PTK7: variants seen among roughly 807,000 people sequenced by gnomAD.
PTK7 encodes the protein inactive tyrosine-protein kinase 7.
PTK7 carries 39 observed loss-of-function variants against 116.6 expected under a neutral mutation model. That is an observed-to-expected ratio of 0.33 (90% CI 0.26 to 0.44). The LOEUF (loss-of-function observed/expected upper bound fraction) is 0.44. Ranked by LOEUF, PTK7 falls within the 20% of genes least tolerant of loss-of-function variation. The probability of loss-of-function intolerance (pLI) is 1.00; values close to 1 mark genes in which losing one functional copy is unlikely to be tolerated. For synonymous variants in PTK7, 546 were observed against 563.6 expected, an observed-to-expected ratio of 0.97 and a Z score of 0.44; for missense variants, 1,169 against 1,425.6, an observed-to-expected ratio of 0.82 and a Z score of 2.90.
At chr6:43,131,031 A>ACT (rs1355635364) in intron 5 of PTK7, among the ~76,000 whole-genome samples, 2 of 56,304 alleles carry the variant, frequency 3.6e-5, no homozygotes, top group Admixed American at 1.4e-4. Flanking sequence ...CAAAGACATC[A>ACT]CACACACACA....
At chr6:43,159,249 CTATT>C (rs1771696390) in intron 18 of PTK7, among the ~76,000 whole-genome samples, 1 of 152,138 alleles carries the variant, frequency 6.6e-6, no homozygotes, top group South Asian at 2.1e-4. Context: ...TATATATAAT[CTATT>C]TATATGGCTC....
At chr6:43,118,099 G>A (rs1264006633) in intron 1 of PTK7, among the ~76,000 whole-genome samples, 1 of 142,852 alleles carries the variant, frequency 7.0e-6, no homozygotes, top group Non-Finnish European at 1.5e-5. Flanking sequence ...TGGTCAGATG[G>A]GCCTTTTTTT....
chr6:43,138,937 A>G lies in PTK7; in HGVS notation c.1317A>G (p.Pro439=), dbSNP rs1163726255. ...TGGATTGCCTGACCCAGGCCACACC[A>G]AAACCTACAGTTGTCTGGTACAGAA... ...GYLDCLTQAT[P]KPTVVWYRNQ... Residue 439 remains proline, a synonymous_variant, in exon 8 of 20, where the codon CCA becomes CCG. Coordinates refer to ENST00000230419, the MANE Select transcript of PTK7 (RefSeq NM_002821.5). The G allele has an allele frequency of 6.2e-7, 1 of 1,614,178 alleles. No homozygotes were observed. The highest frequency in any genetic ancestry group is 8.5e-7 in the Non-Finnish European group (1 of 1,180,030).
At chr6:43,155,957 G>T (rs1771400407) in intron 17 of PTK7, among the ~76,000 whole-genome samples, 2 of 152,108 alleles carry the variant, frequency 1.3e-5, no homozygotes, top group South Asian at 4.1e-4. Context: ...GGCCAGGCGT[G>T]GTGGCTCACG....
chr6:43,159,901 T>C lies in PTK7; in HGVS notation c.2987T>C (p.Met996Thr). Residue 996 changes from methionine (M) to threonine (T), a missense_variant, in exon 19 of 20, where the codon ATG (methionine) becomes ACG (threonine). This residue lies in a region of PTK7 where 678 missense variants were observed against 853.8 expected (regional missense o/e 0.79). Transcript: ENST00000230419. Reference sequence around the variant, plus strand: ...GATGTCTGGGCCTTCGGTGTGCTGATGTGGGAAGTGTTTACACATGGAGAG... The same window carrying C: ...GATGTCTGGGCCTTCGGTGTGCTGACGTGGGAAGTGTTTACACATGGAGAG... ...KSDVWAFGVL[M>T]WEVFTHGEMP... 1 of 1,614,180 alleles carries C rather than the reference T, an allele frequency of 6.2e-7. No individual in the cohort carries two copies. The highest frequency in any genetic ancestry group is 8.5e-7 in the Non-Finnish European group (1 of 1,180,016).
chr6:43,078,914 T>A lies in PTK7; in HGVS notation c.79+2347T>A, dbSNP rs1442752794. The stretch of plus-strand genomic sequence containing the variant: ...TGAGTCGTCATGTTCTGGGATAGGC[T>A]GTCTGCAGATTCCTCAAGGCTCTGC... On this transcript the variant is annotated intron_variant, in intron 1 of 19. Coordinates refer to ENST00000230419, the MANE Select transcript of PTK7 (RefSeq NM_002821.5). Among the ~76,000 whole-genome samples, 4 of 152,238 alleles carry A rather than the reference T, an allele frequency of 2.6e-5. No individual in the cohort carries two copies. In the East Asian group the frequency reaches 7.7e-4, roughly 29 times the overall value.
In PTK7 at chr6:43,145,384, G is replaced by A; in HGVS notation, c.2592G>A (p.Leu864=). 1.9e-6 allele frequency: 3 copies of A among 1,611,642 alleles called. No homozygotes were observed. Among genetic ancestry groups the A allele is most frequent in the Non-Finnish European group, 2.5e-6 (3 of 1,178,594 alleles). ...NHANVVRLLG[L]CREAEPHYMV... ...CCAACGTGGTGCGGCTCCTGGGGCTGTGCCGGGAGGCTGAGCCCCACTACA... is the reference window on the plus strand; with the variant it reads ...CCAACGTGGTGCGGCTCCTGGGGCTATGCCGGGAGGCTGAGCCCCACTACA... The change falls in exon 16 of 20, where the codon CTG becomes CTA. Residue 864 remains leucine, a synonymous_variant. Coordinates refer to ENST00000230419, the MANE Select transcript of PTK7 (RefSeq NM_002821.5). This position sits in a 1 kb window ranked among gnomAD's most constrained non-coding sequence, Gnocchi z 4.8.
chr6:43,116,285 G>C (rs1768514594), intron 1 of PTK7, among the ~76,000 whole-genome samples: 1 of 152,184 alleles, frequency 6.6e-6, no homozygotes, highest in Non-Finnish European at 1.5e-5. Flanking sequence ...CTCCCGGCCA[G>C]CTGGCCAGCC....
Position 43,145,523 on chromosome 6 carries a change from CTT to C in PTK7, c.2640+92_2640+93del, listed in dbSNP as rs981402615. On this transcript the variant is annotated intron_variant, in intron 16 of 19. Transcript: ENST00000230419. The surrounding 1 kb of genome is among the most constrained non-coding windows in gnomAD (Gnocchi z 4.8). ...TCAGTGGTTGGAGCACCGTGAAAAC[CTT>C]GTCTCGTGCAGTCTCAGCCGAGACC... is the stretch of plus-strand genomic sequence containing the variant. 113 of 1,116,994 alleles carry C rather than the reference CTT, an allele frequency of 1.0e-4. No individual in the cohort carries two copies. The Middle Eastern group carries it at 1.2e-3, about 12-fold the overall frequency. 69.2% of individuals were successfully genotyped at this position (1,116,994 alleles called of 1,614,324 possible). A position where few individuals can be genotyped will look rare whatever the true frequency, so the allele number is the denominator to read the frequency against.
chr6:43,157,352 A>ATTTTT (rs1771523593), intron 17 of PTK7, among the ~76,000 whole-genome samples: 1 of 4,606 alleles, frequency 2.2e-4, no homozygotes, highest in African/African-American at 7.7e-4. Context: ...ATATATATAT[A>ATTTTT]TATATATATA....
intron 1 of PTK7, among the ~76,000 whole-genome samples, chr6:43,093,816 T>TCCC (rs1767087808): frequency 6.6e-6 from 1 of 152,128 alleles, no homozygotes; most frequent in Non-Finnish European, 1.5e-5. Flanking sequence ...AAAATGAAAG[T>TCCC]ACACTCCACA....
chr6:43,114,014 A>T (rs1185376041), intron 1 of PTK7, among the ~76,000 whole-genome samples: 1 of 151,166 alleles, frequency 6.6e-6, no homozygotes, highest in Non-Finnish European at 1.5e-5. Flanking sequence ...GTGGCCGGGG[A>T]CTCAGTCTGG....
intron 17 of PTK7, among the ~76,000 whole-genome samples, chr6:43,158,063 C>T (rs1264150889): frequency 6.6e-6 from 1 of 151,958 alleles, no homozygotes; most frequent in Admixed American, 6.6e-5. Flanking sequence ...CTTTGGAAGG[C>T]CGAGGCGGGC....
At chr6:43,104,090 T>G (rs1402135582) in intron 1 of PTK7, among the ~76,000 whole-genome samples, 1 of 152,210 alleles carries the variant, frequency 6.6e-6, no homozygotes, top group East Asian at 1.9e-4. Flanking sequence ...AGTCATTCAG[T>G]AATTTAATGA....
chr6:43,145,162 G>A lies in PTK7; in HGVS notation c.2408-38G>A, dbSNP rs779035329. On this transcript the variant is annotated intron_variant, in intron 15 of 19. Transcript: ENST00000230419. The surrounding 1 kb of genome is among the most constrained non-coding windows in gnomAD (Gnocchi z 4.8). ...CCCAGGTCAGGAGCTGCCTCGGCCT[G>A]GGTGAAGGTGGCTGGCTGACTCAGA... is the stretch of plus-strand genomic sequence containing the variant. 3.2e-6 allele frequency: 5 copies of A among 1,552,548 alleles called. No individual in the cohort carries two copies. Among genetic ancestry groups the A allele is most frequent in the Non-Finnish European group, 4.4e-6 (5 of 1,143,946 alleles).
chr6:43,157,359 TATATA>T (rs1308201315), intron 17 of PTK7, among the ~76,000 whole-genome samples: 514 of 8,266 alleles, frequency 0.062, 51 homozygotes, highest in African/African-American at 0.19. Flanking sequence ...TATATATATA[TATATA>T]TTTTTTTTTT....
chr6:43,098,175 A>G (rs3793017), intron 1 of PTK7, among the ~76,000 whole-genome samples: 44,749 of 151,810 alleles, frequency 0.29, 6,735 homozygotes, highest in Non-Finnish European at 0.31. Flanking sequence ...ACTCCTCCTC[A>G]ACATGGACTT....
intron 5 of PTK7, 126 bp downstream of exon 5, chr6:43,130,787 C>G: frequency 1.5e-6 from 2 of 1,325,476 alleles, no homozygotes; most frequent in Middle Eastern, 2.0e-4. Context: ...TTCCAAGAGA[C>G]ACAGTTGAAT....
chr6:43,134,151 G>A (rs1002410123), intron 7 of PTK7, among the ~76,000 whole-genome samples: 13 of 152,264 alleles, frequency 8.5e-5, no homozygotes, highest in African/African-American at 2.6e-4. Flanking sequence ...TGATTCTCGT[G>A]CCTCAGCCTC....
Sources: gnomAD v4.1 joint callset for allele counts (sites outside exome capture counted in the v4.1 genomes callset) on GRCh38, gnomAD v4.1.1 for gene constraint, gnomAD v4.1.1 regional missense constraint, Gnocchi (gnomAD v3.1) non-coding constraint, MANE v1.5 for transcripts, NCBI Gene and HGNC (gene_info 2026-07-23, HGNC 2026-07-21) for gene names.